The following RC3H2 variants were observed in gnomAD, a reference collection of about 807,000 sequenced individuals.
The protein encoded by RC3H2 is roquin-2.
Under a neutral mutation model 133.3 loss-of-function variants are expected in RC3H2, and 31 were observed. The observed-to-expected ratio is 0.23, with a 90% confidence interval of 0.17 to 0.31. RC3H2 has a LOEUF of 0.31. Ranked by LOEUF, RC3H2 falls within the 10% of genes least tolerant of loss-of-function variation. The pLI is 1.00. For synonymous variants in RC3H2, 517 were observed against 502.2 expected (o/e 1.03, Z -0.40); for missense variants, 1,175 against 1,437.2 (o/e 0.82, Z 2.95).
Position 122,860,051 on chromosome 9 carries a change from A to G in RC3H2, c.1715T>C (p.Leu572Pro), listed in dbSNP as rs550200947. The stretch of plus-strand genomic sequence containing the variant: ...GCTGGATTTTTGAGGCACAGAATTC[A>G]GCTCTGTTCCAACATTAGAGGGCCC... ...SAGPSNVGTE[L>P]NSVPQKSSPF... Residue 572 changes from leucine to proline, a missense_variant, in exon 11 of 21, where the codon CTG (leucine) becomes CCG (proline). Leu to Pro is a moderately conservative substitution (Grantham distance 98). This residue lies in a region of RC3H2 where 490 missense variants were observed against 492.8 expected (regional missense o/e 0.99). Coordinates refer to ENST00000357244, the MANE Select transcript of RC3H2 (RefSeq NM_001100588.3). 6.2e-7 allele frequency: 1 copy of G among 1,614,158 alleles called. No homozygotes were observed. Among genetic ancestry groups the G allele is most frequent in the Non-Finnish European group, 8.5e-7 (1 of 1,180,012 alleles).
chr9:122,846,575 A>G lies in RC3H2; in HGVS notation c.*3052T>C, dbSNP rs1829872903. ...ACATGGATTTCAGAATGGAACTTAG[A>G]AATTAAAAAACAAAAACACAAAAAA... On this transcript the variant is annotated 3_prime_UTR_variant, in exon 21 of 21. Transcript: ENST00000357244. 1 of 152,214 alleles carries G rather than the reference A, an allele frequency of 6.6e-6. No homozygotes were observed. Among genetic ancestry groups the G allele is most frequent in the Non-Finnish European group, 1.5e-5 (1 of 68,034 alleles). 9.4% of individuals were successfully genotyped at this position (152,214 alleles called of 1,614,324 possible). A position where few individuals can be genotyped will look rare whatever the true frequency, so the allele number is the denominator to read the frequency against.
At chr9:122,890,772 A>T (rs951225831) in intron 3 of RC3H2, among the ~76,000 whole-genome samples, 3 of 152,064 alleles carry the variant, frequency 2.0e-5, no homozygotes, top group Non-Finnish European at 4.4e-5. Context: ...AAATGACTCT[A>T]TTTTTTAATT....
At chr9:122,897,814 A>C (rs1832484291) in intron 1 of RC3H2, 1 of 225,102 alleles carries the variant, frequency 4.4e-6, no homozygotes, top group East Asian at 9.7e-5. Flanking sequence ...TTGGTTGCTC[A>C]CATAATAAAC....
chr9:122,861,094 C>T (rs914064954), intron 10 of RC3H2, among the ~76,000 whole-genome samples: 1 of 152,064 alleles, frequency 6.6e-6, no homozygotes, highest in Non-Finnish European at 1.5e-5. Flanking sequence ...CAAAACACAC[C>T]AACCTTTTAT....
chr9:122,880,617 G>A lies in RC3H2; in HGVS notation c.937C>T (p.His313Tyr). The A allele has an allele frequency of 6.2e-7, 1 of 1,613,888 alleles. No homozygotes were observed. The highest frequency in any genetic ancestry group is 8.5e-7 in the Non-Finnish European group (1 of 1,179,836). ...ACCTTATCAATGATAGACTGCATGT[G>A]TGATTTATGAGCCAAATCACCATAC... The part of the protein sequence containing the change: ...LLYGDLAHKS[H>Y]MQSIIDKLQS... The change falls in exon 6 of 21, where the codon CAC becomes TAC. Residue 313 changes from histidine (H) to tyrosine (Y), a missense_variant. Transcript: ENST00000357244.
chr9:122,855,821 G>C lies in RC3H2; in HGVS notation c.2512C>G (p.Pro838Ala). Residue 838 changes from proline to alanine, a missense_variant, in exon 14 of 21, where the codon CCC becomes GCC. By Grantham distance (27) the Pro-to-Ala change is conservative (BLOSUM62 -1). Transcript: ENST00000357244. Reference protein sequence around the residue: ...FEEDHLSHYSPWSCGTIGSCI... With the variant: ...FEEDHLSHYSAWSCGTIGSCI... ...GAGCCTATGGTGCCACAAGACCAGG[G>C]AGAATAATGGGAAAGATGATCTTCT... 6.2e-7 allele frequency: 1 copy of C among 1,613,584 alleles called. No homozygotes were observed. The highest frequency in any genetic ancestry group is 8.5e-7 in the Non-Finnish European group (1 of 1,179,708).
At chr9:122,866,829 C>T (rs1397071618) in intron 9 of RC3H2, among the ~76,000 whole-genome samples, 3 of 152,136 alleles carry the variant, frequency 2.0e-5, no homozygotes, top group African/African-American at 7.2e-5. Context: ...GCCGCCACCC[C>T]GTCTGGGAAG....
rs367546994 is a variant in RC3H2, at chr9:122,855,804, G to A, written c.2529C>T (p.Thr843=). Residue 843 remains threonine, a synonymous_variant, in exon 14 of 21, where the codon ACC becomes ACT. Coordinates refer to ENST00000357244, the MANE Select transcript of RC3H2 (RefSeq NM_001100588.3). ...LSHYSPWSCG[T]IGSCINAIDS... is the part of the protein sequence containing the mutation. ...CAATGGCATTTATACAGGAGCCTAT[G>A]GTGCCACAAGACCAGGGAGAATAAT... The A allele has an allele frequency of 4.3e-5, 69 of 1,613,474 alleles. No homozygotes were observed. The highest frequency in any genetic ancestry group is 5.8e-5 in the Non-Finnish European group (68 of 1,179,706).
chr9:122,873,653 C>G (rs1831201584), intron 9 of RC3H2: 1 of 151,564 alleles, frequency 6.6e-6, no homozygotes, highest in Admixed American at 6.6e-5. Context: ...GCAGAAGTTG[C>G]AAGTGAGCCA....
At chr9:122,892,861 G>GTAC (rs767373724) in intron 3 of RC3H2, 48 bp downstream of exon 3, 2 of 1,421,138 alleles carry the variant, frequency 1.4e-6, no homozygotes, top group Admixed American at 3.4e-5. Context: ...CAAAGTAAAT[G>GTAC]TACTACCAAG....
Position 122,844,558 on chromosome 9 carries a change from T to C in RC3H2, c.*5069A>G, listed in dbSNP as rs762301578. Reference sequence around the variant, plus strand: ...AATATTGACATTAAACAAACAACTTTTAAGGTGGACAAATAATTTTATTTT... The same window carrying C: ...AATATTGACATTAAACAAACAACTTCTAAGGTGGACAAATAATTTTATTTT... On this transcript the variant is annotated 3_prime_UTR_variant, in exon 21 of 21. Coordinates refer to ENST00000357244, the MANE Select transcript of RC3H2 (RefSeq NM_001100588.3). The C allele has an allele frequency of 6.6e-6, 1 of 152,216 alleles. No homozygotes were observed. Among genetic ancestry groups the C allele is most frequent in the Non-Finnish European group, 1.5e-5 (1 of 68,032 alleles). The allele number at this position is 152,216 out of a possible 1,614,324, so 9.4% of individuals were successfully genotyped here.
chr9:122,866,539 C>T (rs1232874037), intron 9 of RC3H2, among the ~76,000 whole-genome samples: 5 of 152,068 alleles, frequency 3.3e-5, no homozygotes, highest in East Asian at 3.9e-4. Context: ...GGAGTGCCTG[C>T]GATTGCAGGC....
chr9:122,867,435 C>G (rs1261802145), intron 9 of RC3H2, among the ~76,000 whole-genome samples: 1 of 148,836 alleles, frequency 6.7e-6, no homozygotes. Context: ...GCCCGGCCAG[C>G]CACCCCGTCC....
chr9:122,900,350 G>GT (rs1354869597), intron 1 of RC3H2, among the ~76,000 whole-genome samples: 1 of 152,072 alleles, frequency 6.6e-6, no homozygotes, highest in Non-Finnish European at 1.5e-5. Flanking sequence ...ACGATCAGAT[G>GT]TAAGAAACGC....
At chr9:122,898,755 A>AAAG (rs1173052816) in intron 1 of RC3H2, among the ~76,000 whole-genome samples, 1 of 151,680 alleles carries the variant, frequency 6.6e-6, no homozygotes, top group East Asian at 1.9e-4. Flanking sequence ...ATCTCAAAAA[A>AAAG]AAAAAAAAAA....
In RC3H2 at chr9:122,855,816, C is replaced by A; in HGVS notation, c.2517G>T (p.Trp839Cys). The A allele has an allele frequency of 6.2e-7, 1 of 1,613,390 alleles. No homozygotes were observed. Among genetic ancestry groups the A allele is most frequent in the Non-Finnish European group, 8.5e-7 (1 of 1,179,664 alleles). Reference sequence around the variant, plus strand: ...TACAGGAGCCTATGGTGCCACAAGACCAGGGAGAATAATGGGAAAGATGAT... The same window carrying A: ...TACAGGAGCCTATGGTGCCACAAGAACAGGGAGAATAATGGGAAAGATGAT... Reference protein sequence around the residue: ...EEDHLSHYSPWSCGTIGSCIN... With the variant: ...EEDHLSHYSPCSCGTIGSCIN... Residue 839 changes from tryptophan (W) to cysteine (C), a missense_variant, in exon 14 of 21, where the codon TGG (tryptophan) becomes TGT (cysteine). Transcript: ENST00000357244.
chr9:122,853,331 T>C (rs544104528), intron 18 of RC3H2, among the ~76,000 whole-genome samples: 53 of 141,888 alleles, frequency 3.7e-4, no homozygotes, highest in Non-Finnish European at 6.9e-4. Flanking sequence ...TATTGTCCTA[T>C]GACCCTGCCA....
chr9:122,871,509 G>GGC (rs960898233), intron 9 of RC3H2, among the ~76,000 whole-genome samples: 1 of 151,092 alleles, frequency 6.6e-6, no homozygotes, highest in Admixed American at 6.6e-5. Context: ...GTGTTAGTGG[G>GGC]GGGGGGGGTT....
chr9:122,878,026 A>G (rs1831413659), intron 8 of RC3H2, among the ~76,000 whole-genome samples: 3 of 152,316 alleles, frequency 2.0e-5, no homozygotes, highest in African/African-American at 7.2e-5. Context: ...TTCACTTGTC[A>G]GCTTGAGGGT....
Sources: allele counts gnomAD v4.1 joint callset (sites outside exome capture counted in the v4.1 genomes callset), GRCh38; gene constraint gnomAD v4.1.1; regional missense constraint gnomAD v4.1.1; transcripts MANE v1.5; gene names NCBI Gene and HGNC (gene_info 2026-07-23, HGNC 2026-07-21).